SH2D4B: variants seen among roughly 807,000 people sequenced by gnomAD.
The protein encoded by SH2D4B is SH2 domain containing 4B.
SH2D4B carries 45 observed loss-of-function variants against 61.5 expected under a neutral mutation model. The ratio of observed to expected loss-of-function variants is 0.73; its 90% CI spans 0.58 to 0.94. The LOEUF (loss-of-function observed/expected upper bound fraction) is 0.94, where lower values mean the gene tolerates loss of function less well. Among genes scored for constraint, SH2D4B ranks in the 40% least tolerant of loss-of-function variants. The probability of loss-of-function intolerance (pLI) is 0.00; values close to 1 mark genes in which losing one functional copy is unlikely to be tolerated. For synonymous variants in SH2D4B, 224 were observed against 220.4 expected (o/e 1.02, Z -0.14); for missense variants, 572 against 574.2 (o/e 1.00, Z 0.04).
At chr10:80,544,652 C>A (rs1012441115) in intron 1 of SH2D4B, among the ~76,000 whole-genome samples, 18 of 152,266 alleles carry the variant, frequency 1.2e-4, no homozygotes, top group Admixed American at 1.0e-3. Context: ...GCCTGGACCC[C>A]TGCATGGAGC....
intron 5 of SH2D4B, among the ~76,000 whole-genome samples, chr10:80,608,538 G>A (rs1291199746): frequency 6.6e-6 from 1 of 152,206 alleles, no homozygotes; most frequent in African/African-American, 2.4e-5. Context: ...TGTAGCCCGA[G>A]TGCAGGGGGG....
chr10:80,562,482 A>T (rs1841912662), intron 1 of SH2D4B, among the ~76,000 whole-genome samples: 1 of 152,172 alleles, frequency 6.6e-6, no homozygotes, highest in Non-Finnish European at 1.5e-5. Context: ...TTATGTGAGG[A>T]CTTACTTAAT....
intron 6 of SH2D4B, among the ~76,000 whole-genome samples, chr10:80,629,091 A>G (rs958122823): frequency 6.6e-6 from 1 of 152,110 alleles, no homozygotes; most frequent in Non-Finnish European, 1.5e-5. Flanking sequence ...AATATATAGA[A>G]AAGAGGTTTA....
intron 1 of SH2D4B, among the ~76,000 whole-genome samples, chr10:80,555,104 C>T (rs969321696): frequency 6.6e-6 from 1 of 151,680 alleles, no homozygotes. Flanking sequence ...AATTCACCAT[C>T]ACAGCATGTA....
intron 6 of SH2D4B, among the ~76,000 whole-genome samples, chr10:80,611,362 A>G (rs1842597013): frequency 6.6e-6 from 1 of 151,938 alleles, no homozygotes; most frequent in Non-Finnish European, 1.5e-5. Flanking sequence ...TCGAAGGATA[A>G]TCTAGTCTGT....
intron 1 of SH2D4B, among the ~76,000 whole-genome samples, chr10:80,549,774 C>T (rs983495607): frequency 2.0e-5 from 3 of 152,162 alleles, no homozygotes; most frequent in African/African-American, 7.2e-5. Flanking sequence ...CCATCTTTAG[C>T]ACCAGTGCTT....
At chr10:80,635,952 C>T (rs536604431) in intron 7 of SH2D4B, among the ~76,000 whole-genome samples, 1 of 152,280 alleles carries the variant, frequency 6.6e-6, no homozygotes, top group East Asian at 1.9e-4. Flanking sequence ...TCCCCCTTCC[C>T]CCAACCGCAC....
intron 1 of SH2D4B, among the ~76,000 whole-genome samples, chr10:80,551,559 A>T (rs755005782): frequency 1.3e-5 from 2 of 152,244 alleles, no homozygotes; most frequent in Non-Finnish European, 2.9e-5. Flanking sequence ...AAGCAATTGC[A>T]GGAGGGAAAT....
chr10:80,574,616 G>T (rs865776173), intron 3 of SH2D4B, among the ~76,000 whole-genome samples: 4 of 152,162 alleles, frequency 2.6e-5, no homozygotes, highest in African/African-American at 9.7e-5. Flanking sequence ...GATCCTCCAT[G>T]AGTGTTATTA....
chr10:80,609,421 C>T lies in SH2D4B; in HGVS notation c.861-3C>T. The T allele has an allele frequency of 6.2e-7, 1 of 1,611,358 alleles. No homozygotes were observed. The highest frequency in any genetic ancestry group is 2.2e-5 in the East Asian group (1 of 44,758). On this transcript the variant is annotated splice_region_variant and splice_polypyrimidine_tract_variant and intron_variant, in intron 5 of 7. Coordinates refer to ENST00000646907, the MANE Select transcript of SH2D4B (RefSeq NM_001388272.1). ...CTGCCCTCCCCACTTTCTTTCTCTT[C>T]AGCAGGACCTGGGAGCGCCCGCTGC... is the stretch of plus-strand genomic sequence containing the variant.
chr10:80,614,663 C>A (rs776085749), intron 6 of SH2D4B, among the ~76,000 whole-genome samples: 1 of 152,256 alleles, frequency 6.6e-6, no homozygotes, highest in Non-Finnish European at 1.5e-5. Flanking sequence ...GGCCTTTACA[C>A]CCTCTGCTCC....
intron 1 of SH2D4B, among the ~76,000 whole-genome samples, chr10:80,562,549 T>C (rs1841913581): frequency 6.6e-6 from 1 of 152,240 alleles, no homozygotes; most frequent in Non-Finnish European, 1.5e-5. Flanking sequence ...GTTGATTCCA[T>C]ATCTTGGCTA....
intron 7 of SH2D4B, among the ~76,000 whole-genome samples, chr10:80,641,241 C>T (rs1840301427): frequency 6.6e-6 from 1 of 152,226 alleles, no homozygotes; most frequent in South Asian, 2.1e-4. Flanking sequence ...AGTTAGGCTA[C>T]ACAGGGGTCA....
rs1589326081 is a variant in SH2D4B at position 80,538,179 on chromosome 10, G to A, written c.-153G>A. On this transcript the variant is annotated 5_prime_UTR_variant, in exon 1 of 8. Transcript: ENST00000646907. The surrounding 1 kb of genome is among the most constrained non-coding windows in gnomAD (Gnocchi z 4.8). ...GAGATGAGTTCGTCGCTGGCTGCAA[G>A]CTGAGGCCAACTGACAATGCTGCAC... 1.7e-6 allele frequency: 1 copy of A among 579,150 alleles called. No homozygotes were observed. The highest frequency in any genetic ancestry group is 2.6e-6 in the Non-Finnish European group (1 of 386,244). The allele number at this position is 579,150 out of a possible 1,614,324, so 35.9% of individuals were successfully genotyped here. A position where few individuals can be genotyped will look rare whatever the true frequency, so the allele number is the denominator to read the frequency against.
intron 1 of SH2D4B, among the ~76,000 whole-genome samples, chr10:80,553,412 C>G (rs143655784): frequency 6.6e-6 from 1 of 152,226 alleles, no homozygotes; most frequent in Non-Finnish European, 1.5e-5. Flanking sequence ...ACAGGACTGA[C>G]AGCAGGGTCT....
chr10:80,617,272 GGC>G (rs1842671398), intron 6 of SH2D4B, among the ~76,000 whole-genome samples: 1 of 152,190 alleles, frequency 6.6e-6, no homozygotes, highest in Non-Finnish European at 1.5e-5. Flanking sequence ...GCCATCTCTG[GGC>G]TGTGGAGCCA....
At chr10:80,640,941 G>A (rs1289114227) in intron 7 of SH2D4B, among the ~76,000 whole-genome samples, 1 of 152,138 alleles carries the variant, frequency 6.6e-6, no homozygotes, top group Non-Finnish European at 1.5e-5. Context: ...TCTACCTTTG[G>A]TTGCAATATT....
intron 6 of SH2D4B, among the ~76,000 whole-genome samples, chr10:80,619,192 C>T (rs1309027905): frequency 2.0e-5 from 3 of 152,016 alleles, no homozygotes; most frequent in Admixed American, 6.6e-5. Flanking sequence ...GTGGGGCCAG[C>T]GGGGCTGCAG....
Position 80,612,182 on chromosome 10 carries a change from C to CTTTTTTTTTTTTTTTTTTT in SH2D4B, c.988+2647_988+2648insTTTTTTTTTTTTTTTTTTT, listed in dbSNP as rs796771295. Among the ~76,000 whole-genome samples, 2 of 62,994 alleles carry CTTTTTTTTTTTTTTTTTTT rather than the reference C, an allele frequency of 3.2e-5. 1 individual carries two copies. 41.3% of individuals were successfully genotyped at this position (62,994 alleles called of 152,430 possible). A position where few individuals can be genotyped will look rare whatever the true frequency, so the allele number is the denominator to read the frequency against. ...CAGCCCGGGACCTCCCCCACTCCTG[C>CTTTTTTTTTTTTTTTTTTT]TTTTTTTTTTTTTTTTCAACTTTAC... On this transcript the variant is annotated intron_variant, in intron 6 of 7. Coordinates refer to ENST00000646907, the MANE Select transcript of SH2D4B (RefSeq NM_001388272.1).
Sources: allele counts gnomAD v4.1 joint callset (sites outside exome capture counted in the v4.1 genomes callset), GRCh38; gene constraint gnomAD v4.1.1; non-coding constraint Gnocchi (gnomAD v3.1); transcripts MANE v1.5; gene names NCBI Gene and HGNC (gene_info 2026-07-23, HGNC 2026-07-21).